Variants in PLA2G4C observed in about 807,000 individuals in gnomAD.
The protein encoded by PLA2G4C is phospholipase A2 group IVC.
A neutral mutation model predicts 73.8 loss-of-function variants in PLA2G4C; 64 were observed. That is an observed-to-expected ratio of 0.87 (90% CI 0.71 to 1.07). PLA2G4C has a LOEUF of 1.07. Ranked by LOEUF, PLA2G4C falls within the 50% of genes least tolerant of loss-of-function variation. PLA2G4C has a pLI of 0.00. For synonymous variants in PLA2G4C, 254 were observed against 252.1 expected (o/e 1.01, Z -0.07); for missense variants, 622 against 665.4 (o/e 0.93, Z 0.72).
intron 14 of PLA2G4C, chr19:48,061,701 G>C (rs1968179667): frequency 2.6e-6 from 1 of 378,032 alleles, no homozygotes. Context: ...GAGGAGCTAG[G>C]CTGTTGCAGT....
intron 15 of PLA2G4C, 36 bp downstream of exon 15, chr19:48,054,842 C>A (rs779599547): frequency 6.3e-7 from 1 of 1,592,656 alleles, no homozygotes; most frequent in Non-Finnish European, 8.6e-7. Context: ...TGGACTAATA[C>A]AGGTGGCTTC....
chr19:48,105,968 T>G lies in PLA2G4C; in HGVS notation c.9-524A>C, dbSNP rs557072504. Among the ~76,000 whole-genome samples the G allele has an allele frequency of 1.2e-3, 97 of 77,968 alleles. 9 individuals carry two copies. Among genetic ancestry groups the G allele is most frequent in the African/African-American group, 9.1e-3 (87 of 9,566 alleles). The allele number at this position is 77,968 out of a possible 152,430, so 51.2% of individuals were successfully genotyped here. ...CTCCCTTCTTTCTTTCTTTCTTTCTTTCTTTCTTTCTTTCTTTCTTTCTTT... is the reference window on the plus strand; with the variant it reads ...CTCCCTTCTTTCTTTCTTTCTTTCTGTCTTTCTTTCTTTCTTTCTTTCTTT... On this transcript the variant is annotated intron_variant, in intron 2 of 16. Coordinates refer to ENST00000599921, the MANE Select transcript of PLA2G4C (RefSeq NM_003706.3).
intron 15 of PLA2G4C, among the ~76,000 whole-genome samples, chr19:48,054,098 G>A (rs373740473): frequency 2.8e-3 from 433 of 152,248 alleles, no homozygotes; most frequent in Middle Eastern, 0.01. Flanking sequence ...ATGTTGGAGC[G>A]TAACAAGATG....
intron 10 of PLA2G4C, among the ~76,000 whole-genome samples, chr19:48,083,065 C>A (rs961532710): frequency 6.7e-6 from 1 of 149,934 alleles, no homozygotes; most frequent in South Asian, 2.1e-4. Context: ...CCACCCGCCT[C>A]GGCCCCCACA....
In PLA2G4C at chr19:48,048,321, T is replaced by C. The variant is rs1040235712; in HGVS notation, c.*22A>G. The C allele has an allele frequency of 6.3e-7, 1 of 1,590,556 alleles. No homozygotes were observed. Among genetic ancestry groups the C allele is most frequent in the Admixed American group, 1.8e-5 (1 of 55,300 alleles). On this transcript the variant is annotated 3_prime_UTR_variant, in exon 17 of 17. Coordinates refer to ENST00000599921, the MANE Select transcript of PLA2G4C (RefSeq NM_003706.3). ...CCCTAGTAGACCAACAGGCCCACAGTGCCCTGGAAGCTGAGGCTCATCTAT... is the reference window on the plus strand; with the variant it reads ...CCCTAGTAGACCAACAGGCCCACAGCGCCCTGGAAGCTGAGGCTCATCTAT...
chr19:48,107,285 G>A (rs2032283481), intron 1 of PLA2G4C, among the ~76,000 whole-genome samples: 1 of 152,216 alleles, frequency 6.6e-6, no homozygotes, highest in South Asian at 2.1e-4. Context: ...TCAGGACCAG[G>A]TGGTAGCTCT....
At chr19:48,085,552 C>T (rs2030923357) in intron 9 of PLA2G4C, among the ~76,000 whole-genome samples, 1 of 152,198 alleles carries the variant, frequency 6.6e-6, no homozygotes, top group South Asian at 2.1e-4. Context: ...AGCAGGACAG[C>T]AAACATGTTG....
chr19:48,057,815 TA>T (rs1968014760), intron 14 of PLA2G4C, among the ~76,000 whole-genome samples: 1 of 149,778 alleles, frequency 6.7e-6, no homozygotes, highest in Non-Finnish European at 1.5e-5. Flanking sequence ...TTGAGTTGAA[TA>T]TTTGAGTCTA....
Position 48,084,427 on chromosome 19 carries a change from C to T in PLA2G4C, c.844+632G>A, listed in dbSNP as rs1170376278. Among the ~76,000 whole-genome samples the T allele has an allele frequency of 6.6e-5, 10 of 152,148 alleles. No homozygotes were observed. The South Asian group carries it at 1.7e-3, about 25-fold the overall frequency. ...TGATCTCAGCTCACTGCAACCTCCG[C>T]CTCCTGGGTTTAAGAGCTTCTCCTC... On this transcript the variant is annotated intron_variant, in intron 10 of 16. Transcript: ENST00000599921.
At position 48,099,954 on chromosome 19, in the gene PLA2G4C, A is replaced by G. The variant is rs550428913; in HGVS notation, c.258-94T>C. 75 of 784,182 alleles carry G rather than the reference A, an allele frequency of 9.6e-5. 1 individual carries two copies. The highest frequency in any genetic ancestry group is 5.3e-4 in the East Asian group (20 of 37,914). 48.6% of individuals were successfully genotyped at this position (784,182 alleles called of 1,614,324 possible). On this transcript the variant is annotated intron_variant, in intron 4 of 16. Transcript: ENST00000599921. Reference sequence around the variant, plus strand: ...GTGCAAGGAGGTCCTTCACAGGAACACCTGCCTCATGGAGAGGGCGACACA... The same window carrying G: ...GTGCAAGGAGGTCCTTCACAGGAACGCCTGCCTCATGGAGAGGGCGACACA...
chr19:48,096,145 A>G (rs1458070436), intron 6 of PLA2G4C, among the ~76,000 whole-genome samples: 1 of 152,082 alleles, frequency 6.6e-6, no homozygotes, highest in Non-Finnish European at 1.5e-5. Context: ...GGGATGATGT[A>G]GAAGAGCACA....
At chr19:48,057,633 G>C (rs1968007072) in intron 14 of PLA2G4C, among the ~76,000 whole-genome samples, 1 of 149,798 alleles carries the variant, frequency 6.7e-6, no homozygotes, top group South Asian at 2.1e-4. Context: ...GGGATTACAG[G>C]CACGTGCCAC....
intron 13 of PLA2G4C, chr19:48,062,373 G>T (rs189483285): frequency 5.0e-6 from 2 of 398,222 alleles, no homozygotes; most frequent in Non-Finnish European, 9.0e-6. Context: ...CACTTTGGGG[G>T]CTGAGGCAGG....
chr19:48,082,374 C>A (rs920647896), intron 10 of PLA2G4C, among the ~76,000 whole-genome samples: 1 of 151,846 alleles, frequency 6.6e-6, no homozygotes, highest in Non-Finnish European at 1.5e-5. Flanking sequence ...GCTGAAAATG[C>A]GATAGAAAGC....
chr19:48,108,281 T>G (rs2032329090), intron 1 of PLA2G4C, among the ~76,000 whole-genome samples: 1 of 152,232 alleles, frequency 6.6e-6, no homozygotes, highest in Non-Finnish European at 1.5e-5. Context: ...ACTACAGGCA[T>G]GCACCACCAC....
rs565636940 is a variant in PLA2G4C, at chr19:48,099,442, A to G, written c.447+229T>C. Among the ~76,000 whole-genome samples the G allele has an allele frequency of 3.7e-4, 57 of 152,238 alleles. 1 individual carries two copies. The South Asian group carries it at 6.4e-3, about 17-fold the overall frequency. The stretch of plus-strand genomic sequence containing the variant: ...TCTGTGTATCTTTCTAGTAAATCAT[A>G]TCACTTTATTTGTTGCATAAACGAA... On this transcript the variant is annotated intron_variant, in intron 5 of 16. Transcript: ENST00000599921.
chr19:48,083,866 C>A (rs570395828), intron 10 of PLA2G4C, among the ~76,000 whole-genome samples: 61 of 152,140 alleles, frequency 4.0e-4, no homozygotes, highest in African/African-American at 1.4e-3. Flanking sequence ...GGATCAGAAC[C>A]ACCATACGAT....
intron 12 of PLA2G4C, among the ~76,000 whole-genome samples, chr19:48,068,902 C>G (rs1442379031): frequency 2.0e-5 from 3 of 151,888 alleles, no homozygotes; most frequent in Non-Finnish European, 4.4e-5. Context: ...TCTTGGACTT[C>G]CTGCCTGCAG....
At position 48,053,054 on chromosome 19, in the gene PLA2G4C, T is replaced by C. The variant is rs1190040151; in HGVS notation, c.1523A>G (p.Lys508Arg). 1 of 1,613,584 alleles carries C rather than the reference T, an allele frequency of 6.2e-7. No individual in the cohort carries two copies. The highest frequency in any genetic ancestry group is 8.5e-7 in the Non-Finnish European group (1 of 1,179,658). The change falls in exon 16 of 17, where the codon AAG (lysine) becomes AGG (arginine). Residue 508 changes from lysine to arginine, a missense_variant. Physicochemically the swap from Lys to Arg is conservative, Grantham distance 26 (BLOSUM62 2). Transcript: ENST00000599921. ...CTTCTTGTTTTCCCTGACATTCTTC[T>C]TGGCTAATGCCAAGAGTAGCACCAC... ...DVVVLLLALAKKNVRENKKKI... is the reference protein window; with the variant it reads ...DVVVLLLALARKNVRENKKKI...
Sources: gnomAD v4.1 joint callset for allele counts (sites outside exome capture counted in the v4.1 genomes callset) on GRCh38, gnomAD v4.1.1 for gene constraint, MANE v1.5 for transcripts, NCBI Gene and HGNC (gene_info 2026-07-23, HGNC 2026-07-21) for gene names.